Variants in USP37 observed in about 807,000 individuals in gnomAD.
USP37 encodes ubiquitin specific peptidase 37.
USP37 carries 27 observed loss-of-function variants against 124.0 expected under a neutral mutation model. The observed-to-expected ratio is 0.22, with a 90% confidence interval of 0.16 to 0.30. USP37 has a LOEUF of 0.30. Among genes scored for constraint, USP37 ranks in the 10% least tolerant of loss-of-function variants. The pLI is 1.00. For synonymous variants in USP37, 365 were observed against 388.0 expected, an observed-to-expected ratio of 0.94 and a Z score of 0.70; for missense variants, 889 against 1,140.4, an observed-to-expected ratio of 0.78 and a Z score of 3.17.
chr2:218,510,169 C>A, intron 10 of USP37, 29 bp from the exon 11 acceptor site: 3 of 1,583,366 alleles, frequency 1.9e-6, no homozygotes, highest in Non-Finnish European at 2.6e-6. Flanking sequence ...AATGAAGAAG[C>A]AAAATAAATT....
At position 218,450,669 on chromosome 2, in the gene USP37, T is replaced by G. The variant is rs536726803; in HGVS notation, c.*4261A>C. 3 of 152,496 alleles carry G rather than the reference T, an allele frequency of 2.0e-5. No homozygotes were observed. In the South Asian group the frequency reaches 6.2e-4, roughly 32 times the overall value. 9.4% of individuals were successfully genotyped at this position (152,496 alleles called of 1,614,324 possible). A position where few individuals can be genotyped will look rare whatever the true frequency, so the allele number is the denominator to read the frequency against. On this transcript the variant is annotated 3_prime_UTR_variant, in exon 26 of 26. Transcript: ENST00000258399. Reference sequence around the variant, plus strand: ...TCTCACTCTTCACACAGGCCCACTATTTTTGAAGTAGACCAGTTTAGTTGA... The same window carrying G: ...TCTCACTCTTCACACAGGCCCACTAGTTTTGAAGTAGACCAGTTTAGTTGA...
At chr2:218,536,305 G>A (rs1207155516) in intron 8 of USP37, among the ~76,000 whole-genome samples, 1 of 152,080 alleles carries the variant, frequency 6.6e-6, no homozygotes, top group Admixed American at 6.6e-5. Context: ...TAAGCCTGTG[G>A]CAGACAATGC....
At chr2:218,458,265 A>C (rs571789655) in intron 23 of USP37, among the ~76,000 whole-genome samples, 5 of 145,174 alleles carry the variant, frequency 3.4e-5, no homozygotes, top group African/African-American at 7.6e-5. Flanking sequence ...AAAAAAAAAA[A>C]AAAAAAAAAA....
chr2:218,463,410 G>C, intron 21 of USP37, 44 bp from the exon 22 acceptor site: 3 of 1,552,294 alleles, frequency 1.9e-6, no homozygotes, highest in Non-Finnish European at 2.7e-6. Context: ...AAGAGGTACT[G>C]ATTAAACTTA....
intron 13 of USP37, among the ~76,000 whole-genome samples, chr2:218,496,447 A>G (rs538412993): frequency 6.6e-6 from 1 of 152,334 alleles, no homozygotes; most frequent in African/African-American, 2.4e-5. Flanking sequence ...GGAGCTGCAT[A>G]TTTTGTGAAT....
intron 10 of USP37, among the ~76,000 whole-genome samples, chr2:218,522,173 G>A (rs1002138247): frequency 1.3e-5 from 2 of 150,952 alleles, no homozygotes; most frequent in East Asian, 2.0e-4. Context: ...TCACCACACC[G>A]CACCAACATT....
rs745463293 is a variant in USP37 at position 218,455,695 on chromosome 2, C to T, written c.2737G>A (p.Asp913Asn). ...SSGHYISDVYDIKKQAWFTYN... is the reference protein window; with the variant it reads ...SSGHYISDVYNIKKQAWFTYN... Reference sequence around the variant, plus strand: ...GTAAACCACGCTTGCTTCTTAATGTCATATACATCACTAATGTAATGACCT... The same window carrying T: ...GTAAACCACGCTTGCTTCTTAATGTTATATACATCACTAATGTAATGACCT... The change falls in exon 25 of 26, where the codon GAC (aspartate) becomes AAC (asparagine). Residue 913 changes from aspartate to asparagine, a missense_variant. Physicochemically the swap from Asp to Asn is conservative, Grantham distance 23. Around this residue, in one of 3 missense-constraint regions of USP37, gnomAD observed 504 missense variants for 714.3 expected, o/e 0.71. Coordinates refer to ENST00000258399, the MANE Select transcript of USP37 (RefSeq NM_020935.3). 26 of 1,613,454 alleles carry T rather than the reference C, an allele frequency of 1.6e-5. No individual in the cohort carries two copies. The highest frequency in any genetic ancestry group is 2.1e-5 in the Non-Finnish European group (25 of 1,179,880).
chr2:218,462,737 T>G (rs1462742579), intron 22 of USP37, among the ~76,000 whole-genome samples: 2 of 152,182 alleles, frequency 1.3e-5, no homozygotes, highest in East Asian at 3.9e-4. Context: ...GATATGGGTA[T>G]AGATGACAAA....
chr2:218,553,530 A>G (rs1172369892), intron 5 of USP37, 23 bp downstream of exon 5: 2 of 1,598,054 alleles, frequency 1.3e-6, no homozygotes, highest in African/African-American at 2.7e-5. Flanking sequence ...CTAACGTTAG[A>G]CCCTGGGGTG....
In USP37 at chr2:218,454,095, A is replaced by C. The variant is rs557659107; in HGVS notation, c.*835T>G. ...ATGGCAGAATGACAAAAAAGAAAAAAGATTCTATCTTTACCACCATAATAA... is the reference window on the plus strand; with the variant it reads ...ATGGCAGAATGACAAAAAAGAAAAACGATTCTATCTTTACCACCATAATAA... On this transcript the variant is annotated 3_prime_UTR_variant, in exon 26 of 26. Transcript: ENST00000258399. 4 of 152,784 alleles carry C rather than the reference A, an allele frequency of 2.6e-5. No individual in the cohort carries two copies. Among genetic ancestry groups the C allele is most frequent in the Admixed American group, 2.0e-4 (3 of 15,302 alleles). The allele number at this position is 152,784 out of a possible 1,614,324, so 9.5% of individuals were successfully genotyped here. A position where few individuals can be genotyped will look rare whatever the true frequency, so the allele number is the denominator to read the frequency against.
At chr2:218,499,439 T>C (rs1299448793) in intron 11 of USP37, among the ~76,000 whole-genome samples, 1 of 152,222 alleles carries the variant, frequency 6.6e-6, no homozygotes, top group Non-Finnish European at 1.5e-5. Flanking sequence ...CTGAAACCAT[T>C]TCAGAGTAAG....
At chr2:218,459,094 C>A (rs1689863980) in intron 23 of USP37, among the ~76,000 whole-genome samples, 2 of 132,468 alleles carry the variant, frequency 1.5e-5, no homozygotes, top group Non-Finnish European at 1.7e-5. Context: ...AAAAAAAAAA[C>A]AGTTCAATGT....
At position 218,474,687 on chromosome 2, in the gene USP37, T is replaced by C. The variant is rs1049317394; in HGVS notation, c.2242A>G (p.Met748Val). Residue 748 changes from methionine (M) to valine (V), a missense_variant, in exon 20 of 26, where the codon ATG becomes GTG. Coordinates refer to ENST00000258399, the MANE Select transcript of USP37 (RefSeq NM_020935.3). ...TCCATAGTGTCTGGATTTTCTGGCA[T>C]TTCTTGAATATCATCTTCTGCAAAT... The part of the protein sequence containing the change: ...TGFAEDDIQE[M>V]PENPDTMETE... 1.2e-6 allele frequency: 2 copies of C among 1,614,246 alleles called. No homozygotes were observed. Among genetic ancestry groups the C allele is most frequent in the Non-Finnish European group, 1.7e-6 (2 of 1,180,046 alleles).
intron 14 of USP37, among the ~76,000 whole-genome samples, chr2:218,490,684 G>T (rs919409697): frequency 6.6e-6 from 1 of 152,088 alleles, no homozygotes; most frequent in African/African-American, 2.4e-5. Context: ...GGTGACCCTC[G>T]ACTTTGTATA....
intron 20 of USP37, among the ~76,000 whole-genome samples, chr2:218,467,506 G>A (rs960433647): frequency 6.6e-5 from 10 of 151,814 alleles, no homozygotes; most frequent in East Asian, 1.9e-4. Context: ...ACGCCACCAC[G>A]CCCGGCTAAT....
chr2:218,519,332 C>T (rs901756304), intron 10 of USP37, among the ~76,000 whole-genome samples: 3 of 152,196 alleles, frequency 2.0e-5, no homozygotes, highest in Admixed American at 6.5e-5. Flanking sequence ...AATTTCAGTG[C>T]TTGCAATAAC....
chr2:218,548,688 T>A (rs914370781), intron 6 of USP37, among the ~76,000 whole-genome samples: 2 of 151,364 alleles, frequency 1.3e-5, no homozygotes, highest in Admixed American at 1.3e-4. Flanking sequence ...TAAATATGTA[T>A]AAATAAACCA....
chr2:218,471,688 C>G (rs1338227709), intron 20 of USP37, among the ~76,000 whole-genome samples: 1 of 152,088 alleles, frequency 6.6e-6, no homozygotes, highest in Non-Finnish European at 1.5e-5. Context: ...ACATGTCTCC[C>G]TTGATTTTTT....
chr2:218,461,776 C>A (rs940747154), intron 22 of USP37, among the ~76,000 whole-genome samples: 2 of 151,934 alleles, frequency 1.3e-5, no homozygotes, highest in African/African-American at 4.8e-5. Context: ...GAGGCCGAGG[C>A]GGGTGGGTGA....
Sources: allele counts gnomAD v4.1 joint callset (sites outside exome capture counted in the v4.1 genomes callset), GRCh38; gene constraint gnomAD v4.1.1; regional missense constraint gnomAD v4.1.1; transcripts MANE v1.5; gene names NCBI Gene and HGNC (gene_info 2026-07-23, HGNC 2026-07-21).